TPM2: variants seen among roughly 807,000 people sequenced by gnomAD.
The protein encoded by TPM2 is tropomyosin beta chain.
A neutral mutation model predicts 41.0 loss-of-function variants in TPM2; 26 were observed. The observed-to-expected ratio is 0.63, with a 90% confidence interval of 0.46 to 0.88. The LOEUF (loss-of-function observed/expected upper bound fraction) is 0.88, where lower values mean the gene tolerates loss of function less well. TPM2 is among the 40% of genes least tolerant of loss of function. The pLI, the probability that TPM2 is intolerant of heterozygous loss-of-function variation, is 0.00. For synonymous variants in TPM2, 143 were observed against 139.3 expected (o/e 1.03, Z -0.19); for missense variants, 187 against 355.2 (o/e 0.53, Z 3.81).
rs185397376 is a variant in TPM2, at chr9:35,685,257, G to A, written c.563+12C>T. On this transcript the variant is annotated intron_variant, in intron 5 of 8. Transcript: ENST00000645482. This position sits in a 1 kb window ranked among gnomAD's most constrained non-coding sequence, Gnocchi z 5.0. The stretch of plus-strand genomic sequence containing the variant: ...GCCAATGGGCTCACTTGTCACCCCC[G>A]GGTATCTTTACCTCTCGGCCACCTC... The A allele has an allele frequency of 2.3e-5, 37 of 1,614,186 alleles. No individual in the cohort carries two copies. Among genetic ancestry groups the A allele is most frequent in the East Asian group, 6.7e-5 (3 of 44,872 alleles).
In TPM2 at chr9:35,683,062, T is replaced by C; in HGVS notation, c.*97A>G. Reference sequence around the variant, plus strand: ...CTGCTCCCAGCCTGGCTGTGCAATGTTGGCAATTTCTGCTCCTCCTGCCTG... The same window carrying C: ...CTGCTCCCAGCCTGGCTGTGCAATGCTGGCAATTTCTGCTCCTCCTGCCTG... On this transcript the variant is annotated 3_prime_UTR_variant, in exon 9 of 9. Coordinates refer to ENST00000645482, the MANE Select transcript of TPM2 (RefSeq NM_003289.4). The C allele has an allele frequency of 6.4e-7, 1 of 1,551,142 alleles. No homozygotes were observed. Among genetic ancestry groups the C allele is most frequent in the Non-Finnish European group, 8.7e-7 (1 of 1,146,824 alleles).
chr9:35,684,847 C>T, intron 5 of TPM2, 40 bp from the exon 6 acceptor site: 1 of 1,612,956 alleles, frequency 6.2e-7, no homozygotes, highest in Non-Finnish European at 8.5e-7. Context: ...GGTGTGAGGG[C>T]ACAGCGAAGC....
intron 5 of TPM2, 74 bp from the exon 6 acceptor site, chr9:35,684,881 G>A (rs1587956736): frequency 1.9e-6 from 3 of 1,613,594 alleles, no homozygotes; most frequent in East Asian, 4.5e-5. Context: ...TGGCACAGCA[G>A]GGGACGGGTG....
intron 8 of TPM2, 130 bp downstream of exon 8, chr9:35,684,116 G>A: frequency 1.2e-6 from 1 of 860,916 alleles, no homozygotes; most frequent in Non-Finnish European, 2.0e-6. Flanking sequence ...GGCCCACAGA[G>A]TTGGGGAGTT....
At position 35,683,252 on chromosome 9, in the gene TPM2, T is replaced by G. The variant is rs776371300; in HGVS notation, c.773-11A>C. 2.6e-5 allele frequency: 36 copies of G among 1,360,290 alleles called. No individual in the cohort carries two copies. The highest frequency in any genetic ancestry group is 1.2e-4 in the African/African-American group (8 of 65,132). 84.3% of individuals were successfully genotyped at this position (1,360,290 alleles called of 1,614,324 possible). A position where few individuals can be genotyped will look rare whatever the true frequency, so the allele number is the denominator to read the frequency against. On this transcript the variant is annotated splice_polypyrimidine_tract_variant and intron_variant, in intron 8 of 8. Coordinates refer to ENST00000645482, the MANE Select transcript of TPM2 (RefSeq NM_003289.4). ...GGGCATAGACTTCATCTGGGGGGGGTCCAGGGAGGGGACCAGGTGGGAGTG... is the reference window on the plus strand; with the variant it reads ...GGGCATAGACTTCATCTGGGGGGGGGCCAGGGAGGGGACCAGGTGGGAGTG...
At chr9:35,684,001 A>C (rs1824726695) in intron 8 of TPM2, 3 of 532,566 alleles carry the variant, frequency 5.6e-6, no homozygotes, top group Non-Finnish European at 1.0e-5. Flanking sequence ...AGAGTCAAGG[A>C]ATCTGTTTTT....
chr9:35,689,926 G>A, upstream of TPM2: 4 of 1,592,252 alleles, frequency 2.5e-6, no homozygotes, highest in South Asian at 3.3e-5. Flanking sequence ...GAGCGGGACT[G>A]GGACGTCCCG....
chr9:35,684,926 ACAGCAGGCAGGG>A, intron 5 of TPM2, 119 bp from the exon 6 acceptor site: 1 of 1,610,154 alleles, frequency 6.2e-7, no homozygotes, highest in Non-Finnish European at 8.5e-7. Flanking sequence ...TGTGAGAGTG[ACAGCAGGCAGGG>A]CTCAGAAGCC....
chr9:35,688,167 C>T (rs1323866571), intron 2 of TPM2, among the ~76,000 whole-genome samples: 8 of 152,168 alleles, frequency 5.3e-5, no homozygotes, highest in African/African-American at 1.9e-4. Context: ...GTGCTAGCAG[C>T]TGCAGGTCAG....
At position 35,685,368 on chromosome 9, in the gene TPM2, T is replaced by C. The variant is rs775236987; in HGVS notation, c.493-29A>G. 6.2e-7 allele frequency: 1 copy of C among 1,614,026 alleles called. No individual in the cohort carries two copies. On this transcript the variant is annotated intron_variant, in intron 4 of 8. Coordinates refer to ENST00000645482, the MANE Select transcript of TPM2 (RefSeq NM_003289.4). The surrounding 1 kb of genome is among the most constrained non-coding windows in gnomAD (Gnocchi z 5.0). ...TGGGGAGTGAGAAAGAGAGGGTAGA[T>C]CAGTGGAGAAGGACTGGGCATGTTG...
At chr9:35,683,363 T>A in intron 8 of TPM2, 122 bp from the exon 9 acceptor site, 1 of 990,172 alleles carries the variant, frequency 1.0e-6, no homozygotes, top group South Asian at 1.5e-5. Flanking sequence ...AAAGACAGAG[T>A]GAGAGAGGGA....
rs138637602 is a variant in TPM2 at position 35,685,470 on chromosome 9, C to T, written c.456G>A (p.Lys152=). Residue 152 remains lysine, a synonymous_variant, in exon 4 of 9, where the codon AAG becomes AAA. Coordinates refer to ENST00000645482, the MANE Select transcript of TPM2 (RefSeq NM_003289.4). The surrounding 1 kb of genome is among the most constrained non-coding windows in gnomAD (Gnocchi z 5.0). The part of the protein sequence containing the change: ...ELQEMQLKEA[K]HIAEDSDRKY... ...TGCGGTCTGAATCCTCAGCGATGTG[C>T]TTGGCCTCCTTCAGCTGCATCTCCT... is the stretch of plus-strand genomic sequence containing the variant. 1.2e-6 allele frequency: 2 copies of T among 1,614,258 alleles called. No homozygotes were observed. Among genetic ancestry groups the T allele is most frequent in the South Asian group, 1.1e-5 (1 of 91,092 alleles).
rs371528789 is a variant in TPM2 at position 35,684,473 on chromosome 9, G to C, written c.702+15C>G. ...TGGCTTGAGGGGAGACTGGGAACTG[G>C]AAGAGGACTCTCACCTCCTTCAGCT... On this transcript the variant is annotated intron_variant, in intron 7 of 8. Coordinates refer to ENST00000645482, the MANE Select transcript of TPM2 (RefSeq NM_003289.4). 1.2e-5 allele frequency: 19 copies of C among 1,614,006 alleles called. No individual in the cohort carries two copies. The highest frequency in any genetic ancestry group is 1.4e-5 in the Non-Finnish European group (17 of 1,179,992).
chr9:35,686,028 A>C (rs1021921264), intron 2 of TPM2, among the ~76,000 whole-genome samples: 11 of 152,144 alleles, frequency 7.2e-5, no homozygotes, highest in Non-Finnish European at 8.8e-5. Context: ...AGGCGGGTGG[A>C]TCACCTGAGG....
intron 1 of TPM2, 129 bp from the exon 2 acceptor site, chr9:35,689,400 A>T: frequency 6.7e-7 from 1 of 1,495,230 alleles, no homozygotes; most frequent in South Asian, 1.3e-5. Flanking sequence ...CATAAAAGGG[A>T]CAGTACAGTC....
At position 35,689,701 on chromosome 9, in the gene TPM2, A is replaced by T; in HGVS notation, c.114+3T>A. Reference sequence around the variant, plus strand: ...AGCAGGCTGCACTGGGCCCGGCCCTAACCTGCTTGCAGCGGTCCTCAGCTT... The same window carrying T: ...AGCAGGCTGCACTGGGCCCGGCCCTTACCTGCTTGCAGCGGTCCTCAGCTT... On this transcript the variant is annotated splice_donor_region_variant and intron_variant, in intron 1 of 8. Transcript: ENST00000645482. 1 of 1,613,242 alleles carries T rather than the reference A, an allele frequency of 6.2e-7. No homozygotes were observed. The highest frequency in any genetic ancestry group is 8.5e-7 in the Non-Finnish European group (1 of 1,179,716).
In TPM2 at chr9:35,689,284, G is replaced by A. The variant is rs1211184274; in HGVS notation, c.115-13C>T. The A allele has an allele frequency of 3.1e-6, 5 of 1,613,894 alleles. No individual in the cohort carries two copies. The African/African-American group carries it at 4.0e-5, about 13-fold the overall frequency. On this transcript the variant is annotated splice_polypyrimidine_tract_variant and intron_variant, in intron 1 of 8. Transcript: ENST00000645482. ...GCTCCTCCTCCAGCTGGGACAGAGG[G>A]GACTTGGTCAGCCAGGCTGGGAGGG...
At chr9:35,689,599 G>A in intron 1 of TPM2, 105 bp downstream of exon 1, 4 of 1,585,310 alleles carry the variant, frequency 2.5e-6, no homozygotes, top group Non-Finnish European at 3.4e-6. Flanking sequence ...CACCCTGGGT[G>A]AGAGAGAGCC....
Position 35,689,341 on chromosome 9 carries a change from G to C in TPM2, c.115-70C>G. The C allele has an allele frequency of 6.3e-6, 10 of 1,597,498 alleles. No individual in the cohort carries two copies. The South Asian group carries it at 1.1e-4, about 18-fold the overall frequency. ...GGCCCAGAATGGAGACGCGGTGTGT[G>C]TAGGGGCGCTACTAAGATTTGGAGG... On this transcript the variant is annotated intron_variant, in intron 1 of 8. Coordinates refer to ENST00000645482, the MANE Select transcript of TPM2 (RefSeq NM_003289.4).
Sources: gnomAD v4.1 joint callset for allele counts (sites outside exome capture counted in the v4.1 genomes callset) on GRCh38, gnomAD v4.1.1 for gene constraint, Gnocchi (gnomAD v3.1) non-coding constraint, MANE v1.5 for transcripts, NCBI Gene and HGNC (gene_info 2026-07-23, HGNC 2026-07-21) for gene names.